The following MTUS2 variants were observed in gnomAD, a reference collection of about 807,000 sequenced individuals.
MTUS2 encodes the protein microtubule-associated tumor suppressor candidate 2.
MTUS2 carries 40 observed loss-of-function variants against 114.1 expected under a neutral mutation model. That is an observed-to-expected ratio of 0.35 (90% CI 0.27 to 0.46). The LOEUF (loss-of-function observed/expected upper bound fraction) is 0.46. Ranked by LOEUF, MTUS2 falls within the 20% of genes least tolerant of loss-of-function variation. MTUS2 has a pLI of 1.00. For synonymous variants in MTUS2, 688 were observed against 672.0 expected (o/e 1.02, Z -0.37); for missense variants, 1,679 against 1,705.4 (o/e 0.98, Z 0.27).
In MTUS2 at chr13:29,258,854, G is replaced by A. The variant is rs147300868; in HGVS notation, c.2645-22850G>A. On this transcript the variant is annotated intron_variant, in intron 5 of 15. Transcript: ENST00000612955. ...AGGGTGGGAAACAAGGAAGGTTCAG[G>A]TTATCACCCCACTGACCTACCTGGG... 2.0e-3 allele frequency among the ~76,000 whole-genome samples: 310 copies of A among 152,238 alleles called. 1 individual carries two copies. Among genetic ancestry groups the A allele is most frequent in the African/African-American group, 7.3e-3 (304 of 41,542 alleles).
chr13:28,957,666 C>T (rs182735607), intron 2 of MTUS2, among the ~76,000 whole-genome samples: 1 of 150,468 alleles, frequency 6.6e-6, no homozygotes, highest in Non-Finnish European at 1.5e-5. Flanking sequence ...CTTGAGCACC[C>T]ACAGATTTTT....
chr13:29,033,766 G>C (rs1388174067), intron 3 of MTUS2, 119 bp from the exon 4 acceptor site: 1 of 1,256,666 alleles, frequency 8.0e-7, no homozygotes, highest in African/African-American at 1.5e-5. Context: ...GGGGACTTGT[G>C]ATCAAGCAGC....
intron 5 of MTUS2, among the ~76,000 whole-genome samples, chr13:29,102,512 G>T (rs1359930340): frequency 2.0e-5 from 3 of 152,144 alleles, no homozygotes; most frequent in Non-Finnish European, 4.4e-5. Context: ...ACTAGAGAGG[G>T]ACCCCTGAGC....
chr13:29,364,091 C>G (rs1354274278), intron 8 of MTUS2, among the ~76,000 whole-genome samples: 2 of 152,160 alleles, frequency 1.3e-5, no homozygotes, highest in Admixed American at 1.3e-4. Flanking sequence ...TCACAATCAT[C>G]AAGGTGCTTT....
At chr13:29,080,619 T>C (rs2479785) in intron 4 of MTUS2, among the ~76,000 whole-genome samples, 87,463 of 152,060 alleles carry the variant, frequency 0.58, 25,448 homozygotes, top group Non-Finnish European at 0.61. Context: ...TTTTCTTCTG[T>C]CTGCTTTTAA....
At chr13:29,375,772 T>C (rs1255010147) in intron 8 of MTUS2, among the ~76,000 whole-genome samples, 1 of 150,676 alleles carries the variant, frequency 6.6e-6, no homozygotes, top group Non-Finnish European at 1.5e-5. Flanking sequence ...TTCTCACTTA[T>C]AAGTGGAGCT....
rs150863090 is a variant in MTUS2 at position 29,212,828 on chromosome 13, C to T, written c.2645-68876C>T. ...CACCAACCCAGAAGCCCTCTGAATC[C>T]TATACTTTAGGAATTTTTATAAGGC... On this transcript the variant is annotated intron_variant, in intron 5 of 15. Transcript: ENST00000612955. Among the ~76,000 whole-genome samples, 1,446 of 152,276 alleles carry T rather than the reference C, an allele frequency of 9.5e-3. 7 individuals carry two copies. Among genetic ancestry groups the T allele is most frequent in the African/African-American group, 0.025 (1,054 of 41,508 alleles).
chr13:29,378,126 G>C (rs1284742846), intron 8 of MTUS2, among the ~76,000 whole-genome samples: 1 of 152,178 alleles, frequency 6.6e-6, no homozygotes, highest in African/African-American at 2.4e-5. Flanking sequence ...GGGGGAGTGT[G>C]TGCAAAGGGA....
intron 2 of MTUS2, among the ~76,000 whole-genome samples, chr13:28,884,732 A>G (rs1014248262): frequency 6.6e-6 from 1 of 152,206 alleles, no homozygotes; most frequent in Non-Finnish European, 1.5e-5. Flanking sequence ...GGGTGTTCTC[A>G]CTGGGAGAAG....
At chr13:28,879,470 ATTTTAC>A (rs1293622200) in intron 2 of MTUS2, among the ~76,000 whole-genome samples, 1 of 152,064 alleles carries the variant, frequency 6.6e-6, no homozygotes, top group Non-Finnish European at 1.5e-5. Flanking sequence ...GGGGGGCTCC[ATTTTAC>A]TTTTTAGAAG....
rs747764243 is a variant in MTUS2 at position 29,359,314 on chromosome 13, G to A, written c.2958G>A (p.Pro986=). Residue 986 remains proline (P), a synonymous_variant, in exon 8 of 16, where the codon CCG becomes CCA. Transcript: ENST00000612955. ...AAARNGFPPK[P]DPQAREAERQ... is the part of the protein sequence containing the mutation. ...CTCGAAATGGGTTTCCGCCCAAGCC[G>A]GACCCGCAGGCCCGTGAGGCTGAGC... 2.0e-5 allele frequency: 33 copies of A among 1,609,898 alleles called. No homozygotes were observed. Among genetic ancestry groups the A allele is most frequent in the Middle Eastern group, 1.6e-4 (1 of 6,072 alleles).
At chr13:29,284,608 G>A (rs1898403914) in intron 6 of MTUS2, among the ~76,000 whole-genome samples, 2 of 152,098 alleles carry the variant, frequency 1.3e-5, no homozygotes, top group South Asian at 2.1e-4. Context: ...TGCATAGCCC[G>A]TTGATGGCAT....
At chr13:29,029,769 A>T (rs1334872200) in intron 3 of MTUS2, among the ~76,000 whole-genome samples, 1 of 152,172 alleles carries the variant, frequency 6.6e-6, no homozygotes. Context: ...GATGAGCAAG[A>T]GGGGAGTGGA....
chr13:29,388,875 TC>T (rs1218595602), intron 8 of MTUS2, among the ~76,000 whole-genome samples: 1 of 151,992 alleles, frequency 6.6e-6, no homozygotes, highest in Non-Finnish European at 1.5e-5. Context: ...AACTTTTGTG[TC>T]CATTTGAACT....
At chr13:28,989,706 G>A (rs932233407) in intron 2 of MTUS2, among the ~76,000 whole-genome samples, 3 of 152,176 alleles carry the variant, frequency 2.0e-5, no homozygotes, top group African/African-American at 7.2e-5. Context: ...TGGGGAGACA[G>A]TATGAGGGGT....
chr13:28,932,495 T>C (rs1166947077), intron 2 of MTUS2, among the ~76,000 whole-genome samples: 2 of 152,138 alleles, frequency 1.3e-5, no homozygotes, highest in Non-Finnish European at 2.9e-5. Context: ...AAATGTGATG[T>C]AAGAGGAGGC....
At chr13:29,356,987 C>T (rs930272034) in intron 7 of MTUS2, among the ~76,000 whole-genome samples, 2 of 152,116 alleles carry the variant, frequency 1.3e-5, no homozygotes, top group African/African-American at 2.4e-5. Context: ...GCTCAGAATG[C>T]GGGTTGTTCG....
chr13:29,011,943 C>G (rs753451978), intron 2 of MTUS2, among the ~76,000 whole-genome samples: 8 of 152,134 alleles, frequency 5.3e-5, no homozygotes, highest in Non-Finnish European at 1.0e-4. Flanking sequence ...AGAAATTCAC[C>G]TTCAGGATAA....
chr13:28,996,229 C>T (rs542116517), intron 2 of MTUS2, among the ~76,000 whole-genome samples: 64 of 152,150 alleles, frequency 4.2e-4, no homozygotes, highest in African/African-American at 1.4e-3. Flanking sequence ...GAACCAGCCT[C>T]GCATCCCAGG....
Sources: allele counts gnomAD v4.1 joint callset (sites outside exome capture counted in the v4.1 genomes callset), GRCh38; gene constraint gnomAD v4.1.1; transcripts MANE v1.5; gene names NCBI Gene and HGNC (gene_info 2026-07-23, HGNC 2026-07-21).